NTRK3: variants seen among roughly 807,000 people sequenced by gnomAD.
NTRK3 encodes the protein NT-3 growth factor receptor.
A neutral mutation model predicts 91.7 loss-of-function variants in NTRK3; 24 were observed. That is an observed-to-expected ratio of 0.26 (90% CI 0.19 to 0.37). The LOEUF (loss-of-function observed/expected upper bound fraction) is 0.37, where lower values mean the gene tolerates loss of function less well. Ranked by LOEUF, NTRK3 falls within the 10% of genes least tolerant of loss-of-function variation. The pLI, the probability that NTRK3 is intolerant of heterozygous loss-of-function variation, is 1.00. For missense variants in NTRK3, 880 were observed against 1,068.9 expected, an observed-to-expected ratio of 0.82 and a Z score of 2.46; for synonymous variants, 483 against 404.0, an observed-to-expected ratio of 1.20 and a Z score of -2.34.
At chr15:88,112,180 A>G (rs1363205365) in intron 13 of NTRK3, among the ~76,000 whole-genome samples, 2 of 152,208 alleles carry the variant, frequency 1.3e-5, no homozygotes, top group Non-Finnish European at 1.5e-5. Flanking sequence ...TGCTAGGATT[A>G]CAGGCGTGAG....
chr15:87,931,968 C>T (rs958119370), intron 16 of NTRK3, among the ~76,000 whole-genome samples: 3 of 152,208 alleles, frequency 2.0e-5, no homozygotes, highest in African/African-American at 7.2e-5. Context: ...CCTAAGTATA[C>T]AGGGCCTGTG....
chr15:88,217,098 T>TA (rs980711678), intron 3 of NTRK3, among the ~76,000 whole-genome samples: 21 of 151,708 alleles, frequency 1.4e-4, no homozygotes, highest in Admixed American at 2.0e-4. Context: ...GGGTGGACAC[T>TA]AAAAAAAACA....
chr15:88,095,890 C>A (rs923037177), intron 13 of NTRK3, among the ~76,000 whole-genome samples: 3 of 152,188 alleles, frequency 2.0e-5, no homozygotes, highest in African/African-American at 7.2e-5. Context: ...TTATCAAAAC[C>A]AGGAAATCAG....
At chr15:88,025,180 C>T (rs1265973975) in intron 14 of NTRK3, among the ~76,000 whole-genome samples, 1 of 152,202 alleles carries the variant, frequency 6.6e-6, no homozygotes, top group Non-Finnish European at 1.5e-5. Context: ...TGCAATGAAC[C>T]TCACTTGGTA....
intron 15 of NTRK3, among the ~76,000 whole-genome samples, chr15:87,938,830 G>C (rs748157700): frequency 2.0e-5 from 3 of 152,188 alleles, no homozygotes; most frequent in Admixed American, 1.3e-4. Flanking sequence ...CCTGCTCCAA[G>C]CTGTTTAAAG....
intron 6 of NTRK3, among the ~76,000 whole-genome samples, chr15:88,142,895 G>C (rs1282056657): frequency 1.3e-5 from 2 of 152,070 alleles, no homozygotes; most frequent in African/African-American, 2.4e-5. Flanking sequence ...ATTTCAGGTG[G>C]GCCTTAAATC....
intron 5 of NTRK3, among the ~76,000 whole-genome samples, chr15:88,150,454 C>T (rs2043266586): frequency 6.6e-6 from 1 of 152,162 alleles, no homozygotes; most frequent in African/African-American, 2.4e-5. Context: ...AGGAGGGGTC[C>T]TGGGACCCCT....
rs140007526 is a variant in NTRK3 at position 87,987,525 on chromosome 15, A to ATGTGTG, written c.1585+45326_1585+45331dup. 2.6e-4 allele frequency among the ~76,000 whole-genome samples: 39 copies of ATGTGTG among 148,422 alleles called. 1 individual carries two copies. The East Asian group carries it at 6.1e-3, about 23-fold the overall frequency. On this transcript the variant is annotated intron_variant, in intron 14 of 18. Coordinates refer to ENST00000394480, the Ensembl canonical transcript of NTRK3. ...GACATAGATATATATAGATAGATAGATGTGTGTGTGTGTGTGTGTGTGTAG... is the reference window on the plus strand; with the variant it reads ...GACATAGATATATATAGATAGATAGATGTGTGTGTGTGTGTGTGTGTGTGTGTGTAG...
chr15:88,028,981 A>G (rs146027641), intron 14 of NTRK3, among the ~76,000 whole-genome samples: 2 of 152,312 alleles, frequency 1.3e-5, no homozygotes, highest in Non-Finnish European at 1.5e-5. Flanking sequence ...TGAGGGTCCA[A>G]TGTTGCTACA....
intron 17 of NTRK3, among the ~76,000 whole-genome samples, chr15:87,886,682 A>ATATATATATG: frequency 7.2e-6 from 1 of 139,122 alleles, no homozygotes; most frequent in South Asian, 2.2e-4. Context: ...TTTGCTATAT[A>ATATATATATG]TATATATATA....
chr15:87,969,348 A>G (rs946949931), intron 14 of NTRK3, among the ~76,000 whole-genome samples: 1 of 152,188 alleles, frequency 6.6e-6, no homozygotes, highest in East Asian at 1.9e-4. Context: ...GCTTTGTGCA[A>G]ATATCATTTC....
intron 14 of NTRK3, among the ~76,000 whole-genome samples, chr15:87,988,297 A>G (rs919700635): frequency 6.6e-6 from 1 of 152,244 alleles, no homozygotes; most frequent in Non-Finnish European, 1.5e-5. Context: ...AGTCTAAGAA[A>G]CTGTCAGAGA....
At chr15:88,034,116 T>A (rs2078857806) in intron 13 of NTRK3, among the ~76,000 whole-genome samples, 1 of 152,166 alleles carries the variant, frequency 6.6e-6, no homozygotes, top group Non-Finnish European at 1.5e-5. Flanking sequence ...TATCTTTTAC[T>A]GCACTCAGCC....
chr15:87,886,520 T>C (rs191915876), intron 17 of NTRK3, among the ~76,000 whole-genome samples: 1 of 150,758 alleles, frequency 6.6e-6, no homozygotes, highest in Admixed American at 6.6e-5. Flanking sequence ...GTAGTATTCT[T>C]ATTCATGTAA....
At chr15:87,904,669 C>T (rs1050561860) in intron 17 of NTRK3, among the ~76,000 whole-genome samples, 1 of 152,150 alleles carries the variant, frequency 6.6e-6, no homozygotes, top group African/African-American at 2.4e-5. Flanking sequence ...CAGCTAAGCC[C>T]TTCTGGAATT....
intron 5 of NTRK3, among the ~76,000 whole-genome samples, chr15:88,168,750 T>C (rs1057306976): frequency 6.6e-6 from 1 of 151,940 alleles, no homozygotes; most frequent in Admixed American, 6.6e-5. Context: ...GACTTGGGGG[T>C]CATCTCCCTT....
intron 14 of NTRK3, among the ~76,000 whole-genome samples, chr15:88,027,582 C>T (rs1363983048): frequency 6.6e-6 from 1 of 152,144 alleles, no homozygotes; most frequent in Non-Finnish European, 1.5e-5. Context: ...CGGGGTTTCA[C>T]CGTGTTAGCC....
intron 3 of NTRK3, among the ~76,000 whole-genome samples, chr15:88,200,583 G>C (rs1206068641): frequency 6.6e-6 from 1 of 152,154 alleles, no homozygotes; most frequent in Non-Finnish European, 1.5e-5. Context: ...GGTTTTATAA[G>C]GGGCTCTTCC....
rs537684818 is a variant in NTRK3 at position 88,256,323 on chromosome 15, G to A, written c.-55C>T. 52 of 659,304 alleles carry A rather than the reference G, an allele frequency of 7.9e-5. No homozygotes were observed. The highest frequency in any genetic ancestry group is 9.6e-5 in the Non-Finnish European group (35 of 365,274). 40.8% of individuals were successfully genotyped at this position (659,304 alleles called of 1,614,324 possible). ...GCGATCAGATGCAAAATCCTTCAGC[G>A]TCTGAAACCATCGCGGACGCCGCCG... On this transcript the variant is annotated 5_prime_UTR_variant, in exon 2 of 19. In the 5' UTR this introduces an upstream ATG that the reference lacks. Coordinates refer to ENST00000394480, the Ensembl canonical transcript of NTRK3.
Sources: gnomAD v4.1 joint callset for allele counts (sites outside exome capture counted in the v4.1 genomes callset) on GRCh38, gnomAD v4.1.1 for gene constraint, MANE v1.5 for transcripts, NCBI Gene and HGNC (gene_info 2026-07-23, HGNC 2026-07-21) for gene names.